Variants in HADHB observed in about 807,000 individuals in gnomAD.
The protein encoded by HADHB is hydroxyacyl-CoA dehydrogenase trifunctional multienzyme complex subunit beta.
HADHB carries 50 observed loss-of-function variants against 61.9 expected under a neutral mutation model. That is an observed-to-expected ratio of 0.81 (90% CI 0.64 to 1.02). The LOEUF is 1.02. Among genes scored for constraint, HADHB ranks in the 50% least tolerant of loss-of-function variants. The probability of loss-of-function intolerance (pLI) is 0.00; values close to 1 mark genes in which losing one functional copy is unlikely to be tolerated. For missense variants in HADHB, 504 were observed against 586.5 expected (o/e 0.86, Z 1.45); for synonymous variants, 191 against 201.6 (o/e 0.95, Z 0.45).
chr2:26,259,129 G>C (rs573939258), intron 3 of HADHB, among the ~76,000 whole-genome samples: 1 of 152,268 alleles, frequency 6.6e-6, no homozygotes, highest in African/African-American at 2.4e-5. Flanking sequence ...CTTACTGCAC[G>C]GTCACTTCAC....
At chr2:26,271,435 A>G (rs998460711) in intron 5 of HADHB, among the ~76,000 whole-genome samples, 1 of 152,040 alleles carries the variant, frequency 6.6e-6, no homozygotes, top group African/African-American at 2.4e-5. Context: ...TGAACCTGGG[A>G]GGCAGAGGTT....
chr2:26,277,436 A>G (rs764698457), intron 7 of HADHB, among the ~76,000 whole-genome samples: 2 of 151,820 alleles, frequency 1.3e-5, no homozygotes, highest in African/African-American at 4.8e-5. Context: ...GGATCTCGCC[A>G]TGTTGCCCAG....
chr2:26,260,998 C>T, intron 3 of HADHB: 1 of 1,517,518 alleles, frequency 6.6e-7, no homozygotes, highest in Non-Finnish European at 8.8e-7. Context: ...ATCTGACCAA[C>T]ACAGTTGATC....
chr2:26,250,356 T>A (rs1458895603), intron 1 of HADHB, among the ~76,000 whole-genome samples: 2 of 152,218 alleles, frequency 1.3e-5, no homozygotes, highest in African/African-American at 4.8e-5. Flanking sequence ...GTATCAACCC[T>A]TTTCTGTTTT....
chr2:26,248,522 A>G (rs914005381), intron 1 of HADHB, among the ~76,000 whole-genome samples: 5 of 152,156 alleles, frequency 3.3e-5, no homozygotes, highest in African/African-American at 7.2e-5. Context: ...GAATATTTCT[A>G]TAGGTTAGAG....
At chr2:26,281,232 T>A (rs1366638635) in intron 10 of HADHB, among the ~76,000 whole-genome samples, 1 of 152,154 alleles carries the variant, frequency 6.6e-6, no homozygotes, top group African/African-American at 2.4e-5. Context: ...TAAGATGTGA[T>A]TTCTCTTCTC....
intron 4 of HADHB, among the ~76,000 whole-genome samples, chr2:26,267,771 CAAAAA>C (rs772133699): frequency 1.5e-5 from 1 of 67,466 alleles, no homozygotes. Flanking sequence ...GACTCTGTCT[CAAAAA>C]AAAAAAAAAA....
intron 4 of HADHB, among the ~76,000 whole-genome samples, chr2:26,266,296 AATAAC>A (rs553114690): frequency 6.6e-6 from 1 of 152,114 alleles, no homozygotes; most frequent in Non-Finnish European, 1.5e-5. Flanking sequence ...AATTAATAAT[AATAAC>A]ATAGAGGGAA....
intron 1 of HADHB, among the ~76,000 whole-genome samples, chr2:26,248,941 C>G (rs1671274237): frequency 6.6e-6 from 1 of 151,832 alleles, no homozygotes; most frequent in African/African-American, 2.4e-5. Context: ...CCTGGAGTCT[C>G]AGCTACTCGG....
At chr2:26,282,752 G>T (rs1428521155) in intron 10 of HADHB, 93 bp from the exon 11 acceptor site, 2 of 811,744 alleles carry the variant, frequency 2.5e-6, no homozygotes, top group Non-Finnish European at 4.2e-6. Context: ...AGTCTAATGA[G>T]TTAATAGATT....
chr2:26,273,657 GT>G lies in HADHB; in HGVS notation c.263del (p.Leu88CysfsTer10). ...TTTGGATTTCTACTTCCAGGGGTTT[GT>G]TGCATCGGACCAGTGTCCCTAAGGA... is the stretch of plus-strand genomic sequence containing the variant. ...DLARAALTGL[L>X]HRTSVPKEVV... On this transcript the variant is annotated frameshift_variant, in exon 6 of 16. Transcript: ENST00000317799. LOFTEE classifies it high-confidence loss of function. The G allele has an allele frequency of 6.3e-7, 1 of 1,577,002 alleles. No individual in the cohort carries two copies. Among genetic ancestry groups the G allele is most frequent in the South Asian group, 1.1e-5 (1 of 90,340 alleles).
chr2:26,274,490 A>G (rs1672465266), intron 6 of HADHB, among the ~76,000 whole-genome samples: 1 of 152,238 alleles, frequency 6.6e-6, no homozygotes, highest in Non-Finnish European at 1.5e-5. Flanking sequence ...ACAAGGGCAC[A>G]TGAGCAGGAC....
chr2:26,258,438 G>A (rs957168505), intron 3 of HADHB, among the ~76,000 whole-genome samples: 7 of 152,192 alleles, frequency 4.6e-5, no homozygotes, highest in Non-Finnish European at 8.8e-5. Context: ...CGATTAGGAC[G>A]AACCTGGGCA....
intron 4 of HADHB, 81 bp from the exon 5 acceptor site, chr2:26,269,872 C>A: frequency 1.1e-6 from 1 of 877,096 alleles, no homozygotes; most frequent in Non-Finnish European, 2.0e-6. Flanking sequence ...GTTTGATGAT[C>A]TCTGGGTATT....
intron 5 of HADHB, 74 bp from the exon 6 acceptor site, chr2:26,273,577 A>G (rs1015284232): frequency 4.5e-5 from 37 of 819,032 alleles, no homozygotes; most frequent in Non-Finnish European, 7.9e-5. Context: ...CAAGGAGCGC[A>G]GTGTTTTGTG....
chr2:26,249,182 A>G (rs769238292), intron 1 of HADHB, among the ~76,000 whole-genome samples: 28 of 152,170 alleles, frequency 1.8e-4, no homozygotes, highest in Non-Finnish European at 3.5e-4. Flanking sequence ...GTCATGTATC[A>G]GGAAGGAGTC....
intron 13 of HADHB, 45 bp from the exon 14 acceptor site, chr2:26,284,838 G>A: frequency 1.1e-6 from 1 of 948,906 alleles, no homozygotes; most frequent in South Asian, 1.3e-5. Flanking sequence ...AAAGCGTAGA[G>A]GAACATGAAT....
intron 4 of HADHB, among the ~76,000 whole-genome samples, chr2:26,265,204 G>A (rs1264572361): frequency 1.3e-5 from 2 of 152,126 alleles, no homozygotes; most frequent in Non-Finnish European, 2.9e-5. Context: ...AATAGAAAAA[G>A]TTCCATCAAG....
intron 1 of HADHB, among the ~76,000 whole-genome samples, chr2:26,247,296 C>T (rs983460219): frequency 1.8e-4 from 27 of 152,134 alleles, no homozygotes; most frequent in African/African-American, 6.3e-4. Context: ...TTTCTGTTTT[C>T]TGAAGTTTAG....
Sources: allele counts gnomAD v4.1 joint callset (sites outside exome capture counted in the v4.1 genomes callset), GRCh38; gene constraint gnomAD v4.1.1; transcripts MANE v1.5; gene names NCBI Gene and HGNC (gene_info 2026-07-23, HGNC 2026-07-21).